The following ANKRD31 variants were observed in gnomAD, a reference collection of about 807,000 sequenced individuals.
The protein encoded by ANKRD31 is ankyrin repeat domain-containing protein 31.
A neutral mutation model predicts 186.0 loss-of-function variants in ANKRD31; 147 were observed. The observed-to-expected ratio is 0.79, with a 90% CI of 0.69 to 0.91. The LOEUF is 0.91. ANKRD31 is among the 40% of genes least tolerant of loss of function. ANKRD31 has a pLI of 0.00. For synonymous variants in ANKRD31, 673 were observed against 736.4 expected (o/e 0.91, Z 1.39); for missense variants, 1,986 against 2,148.8 (o/e 0.92, Z 1.50).
In ANKRD31 at chr5:75,224,154, TATATATGTATATATATATATATATAC is replaced by T. The variant is rs1224757660; in HGVS notation, c.179-1822_179-1797del. 6.3e-3 allele frequency among the ~76,000 whole-genome samples: 327 copies of T among 52,160 alleles called. 7 individuals carry two copies. In the East Asian group the frequency reaches 0.12, roughly 20 times the overall value. The allele number at this position is 52,160 out of a possible 152,430, so 34.2% of individuals were successfully genotyped here. A position where few individuals can be genotyped will look rare whatever the true frequency, so the allele number is the denominator to read the frequency against. ...TTATATATATATATATATATATATATATATATGTATATATATATATATATACACACATTTCTTCCATTAGAATTCCA... is the reference window on the plus strand; with the variant it reads ...TTATATATATATATATATATATATATACACATTTCTTCCATTAGAATTCCA... On this transcript the variant is annotated intron_variant, in intron 2 of 25. Transcript: ENST00000506364.
At chr5:75,176,640 C>T (rs184666861) in intron 10 of ANKRD31, among the ~76,000 whole-genome samples, 35 of 152,304 alleles carry the variant, frequency 2.3e-4, no homozygotes, top group African/African-American at 7.9e-4. Context: ...AGTGGACCTC[C>T]AGTAAACTCC....
Position 75,075,130 on chromosome 5 carries a change from A to G in ANKRD31, c.5647+5438T>C, listed in dbSNP as rs557090794. 4.6e-5 allele frequency among the ~76,000 whole-genome samples: 7 copies of G among 152,336 alleles called. No individual in the cohort carries two copies. The South Asian group carries it at 1.4e-3, about 32-fold the overall frequency. On this transcript the variant is annotated intron_variant, in intron 25 of 25. Coordinates refer to ENST00000506364, the MANE Select transcript of ANKRD31 (RefSeq NM_001372053.1). ...ATAATAACCTGTAACTACTGCAGCC[A>G]AAGACACAGTTCTAGAATGGAGATG...
rs531915674 is a variant in ANKRD31, at chr5:75,176,771, C to T, written c.1565-7650G>A. ...CAAAGACAAAAGGTAGATAAAACCA[C>T]AAAGATGGGGAAAAAACAGAGCAGA... On this transcript the variant is annotated intron_variant, in intron 10 of 25. Transcript: ENST00000506364. 2.0e-5 allele frequency among the ~76,000 whole-genome samples: 3 copies of T among 152,182 alleles called. No individual in the cohort carries two copies. In the East Asian group the frequency reaches 5.8e-4, roughly 29 times the overall value.
At chr5:75,167,520 T>C (rs1753013744) in intron 11 of ANKRD31, among the ~76,000 whole-genome samples, 1 of 152,234 alleles carries the variant, frequency 6.6e-6, no homozygotes, top group Non-Finnish European at 1.5e-5. Flanking sequence ...CTTGTCATTC[T>C]CTTCTCTCAC....
intron 6 of ANKRD31, 84 bp from the exon 7 acceptor site, chr5:75,196,284 T>C: frequency 6.1e-6 from 7 of 1,138,520 alleles, no homozygotes; most frequent in South Asian, 2.8e-5. Context: ...TTATAGTTTA[T>C]CTTGTTTGTA....
intron 19 of ANKRD31, among the ~76,000 whole-genome samples, chr5:75,113,847 T>C (rs1402374846): frequency 6.6e-6 from 1 of 152,190 alleles, no homozygotes; most frequent in Non-Finnish European, 1.5e-5. Context: ...ATACAGTGAA[T>C]GATTTATGGT....
At chr5:75,155,509 G>A (rs1259222107) in intron 11 of ANKRD31, among the ~76,000 whole-genome samples, 3 of 152,028 alleles carry the variant, frequency 2.0e-5, no homozygotes, top group Non-Finnish European at 2.9e-5. Context: ...AAGTTGCTTC[G>A]AAGCTTTTAC....
chr5:75,169,232 G>A (rs1580471085), intron 10 of ANKRD31, 111 bp from the exon 11 acceptor site: 2 of 1,264,432 alleles, frequency 1.6e-6, no homozygotes, highest in East Asian at 5.1e-5. Flanking sequence ...AAAATATTTT[G>A]ATTATATGAG....
chr5:75,074,765 G>A (rs536896157), intron 25 of ANKRD31, among the ~76,000 whole-genome samples: 1 of 152,164 alleles, frequency 6.6e-6, no homozygotes, highest in East Asian at 1.9e-4. Flanking sequence ...ACAGCAAACT[G>A]ATTTCAAATT....
chr5:75,143,205 T>G (rs1751176815), intron 15 of ANKRD31, among the ~76,000 whole-genome samples: 1 of 152,132 alleles, frequency 6.6e-6, no homozygotes, highest in Non-Finnish European at 1.5e-5. Flanking sequence ...AAGGACACAG[T>G]AATTAGATTT....
chr5:75,147,097 T>C lies in ANKRD31; in HGVS notation c.2314A>G (p.Thr772Ala). 6.5e-7 allele frequency: 1 copy of C among 1,536,328 alleles called. No individual in the cohort carries two copies. The highest frequency in any genetic ancestry group is 8.7e-7 in the Non-Finnish European group (1 of 1,146,322). ...AATTCTTCTGGAAGGTCATTATGAG[T>C]TTCTGGAATATGCTGCTGATAGGTA... ...LVTYQQHIPE[T>A]HNDLPEELCE... Residue 772 changes from threonine to alanine, a missense_variant, in exon 14 of 26, where the codon ACT (threonine) becomes GCT (alanine). Transcript: ENST00000506364.
At chr5:75,113,799 C>T (rs985182536) in intron 19 of ANKRD31, among the ~76,000 whole-genome samples, 4 of 152,078 alleles carry the variant, frequency 2.6e-5, no homozygotes, top group African/African-American at 9.7e-5. Flanking sequence ...ATATAAAAAA[C>T]AAGCAAAAAT....
intron 12 of ANKRD31, among the ~76,000 whole-genome samples, chr5:75,149,767 G>T (rs979155314): frequency 6.6e-6 from 1 of 151,906 alleles, no homozygotes; most frequent in Non-Finnish European, 1.5e-5. Context: ...CCTAGGTATA[G>T]AGAAAGTGCT....
intron 1 of ANKRD31, among the ~76,000 whole-genome samples, chr5:75,234,247 T>C (rs1758120460): frequency 6.6e-6 from 1 of 152,236 alleles, no homozygotes; most frequent in Admixed American, 6.5e-5. Flanking sequence ...GAAGAAAATA[T>C]ACCAAAGTCT....
intron 2 of ANKRD31, among the ~76,000 whole-genome samples, chr5:75,229,268 T>C (rs145914402): frequency 3.0e-3 from 454 of 152,352 alleles, no homozygotes; most frequent in African/African-American, 0.011. Context: ...ACTAAGGATG[T>C]GTATGCCCTA....
intron 17 of ANKRD31, among the ~76,000 whole-genome samples, chr5:75,130,282 G>A (rs1210857394): frequency 2.0e-5 from 3 of 152,192 alleles, no homozygotes; most frequent in African/African-American, 7.2e-5. Flanking sequence ...GCTCATTAAG[G>A]TAGTGCAGAC....
intron 4 of ANKRD31, among the ~76,000 whole-genome samples, chr5:75,210,160 CTTCTTGCT>C (rs1284247485): frequency 2.0e-5 from 3 of 151,920 alleles, no homozygotes; most frequent in African/African-American, 7.3e-5. Flanking sequence ...TCCTTCCTGC[CTTCTTGCT>C]TTCTTGCTTT....
chr5:75,160,439 G>A (rs1752496698), intron 11 of ANKRD31, among the ~76,000 whole-genome samples: 1 of 152,024 alleles, frequency 6.6e-6, no homozygotes, highest in Non-Finnish European at 1.5e-5. Flanking sequence ...AAAAAGATGA[G>A]ATAGACTGAA....
intron 11 of ANKRD31, among the ~76,000 whole-genome samples, chr5:75,158,108 A>G (rs985227009): frequency 6.6e-6 from 1 of 152,098 alleles, no homozygotes; most frequent in African/African-American, 2.4e-5. Context: ...TCCTTTGAGG[A>G]GATGCTAGAG....
Sources: allele counts gnomAD v4.1 joint callset (sites outside exome capture counted in the v4.1 genomes callset), GRCh38; gene constraint gnomAD v4.1.1; transcripts MANE v1.5; gene names NCBI Gene and HGNC (gene_info 2026-07-23, HGNC 2026-07-21).